LRMDA: variants seen among roughly 807,000 people sequenced by gnomAD.
LRMDA encodes leucine rich melanocyte differentiation associated.
Under a neutral mutation model 29.8 loss-of-function variants are expected in LRMDA, and 18 were observed. That is an observed-to-expected ratio of 0.60 (90% confidence interval 0.42 to 0.90). The LOEUF (loss-of-function observed/expected upper bound fraction) is 0.90. Ranked by LOEUF, LRMDA falls within the 40% of genes least tolerant of loss-of-function variation. The pLI is 0.00. For synonymous variants in LRMDA, 125 were observed against 109.4 expected, an observed-to-expected ratio of 1.14 and a Z score of -0.89; for missense variants, 273 against 273.9, an observed-to-expected ratio of 1.00 and a Z score of 0.02.
intron 2 of LRMDA, among the ~76,000 whole-genome samples, chr10:75,767,446 C>T (rs890454837): frequency 6.6e-6 from 1 of 152,044 alleles, no homozygotes; most frequent in Non-Finnish European, 1.5e-5. Context: ...TTTTCTAATG[C>T]CTTGTTCCTG....
intron 5 of LRMDA, among the ~76,000 whole-genome samples, chr10:76,059,532 G>A (rs969105088): frequency 4.6e-5 from 7 of 152,202 alleles, no homozygotes; most frequent in African/African-American, 1.7e-4. Context: ...AATGGACTCG[G>A]TGACCCCTGA....
intron 6 of LRMDA, among the ~76,000 whole-genome samples, chr10:76,466,630 T>C (rs1208176240): frequency 1.3e-5 from 2 of 151,952 alleles, no homozygotes; most frequent in Non-Finnish European, 1.5e-5. Flanking sequence ...ACCCCTACTC[T>C]ACAAAAAGGA....
At chr10:76,333,554 C>T (rs1840930389) in intron 6 of LRMDA, among the ~76,000 whole-genome samples, 1 of 152,136 alleles carries the variant, frequency 6.6e-6, no homozygotes, top group South Asian at 2.1e-4. Context: ...GAGTGGGGGC[C>T]ATGCACAGGG....
At chr10:76,235,839 T>C (rs1346255040) in intron 5 of LRMDA, among the ~76,000 whole-genome samples, 1 of 152,220 alleles carries the variant, frequency 6.6e-6, no homozygotes, top group Non-Finnish European at 1.5e-5. Flanking sequence ...AGCAGACTTT[T>C]TCTGATCCAG....
chr10:75,869,005 A>G (rs1032814438), intron 2 of LRMDA, among the ~76,000 whole-genome samples: 1 of 152,194 alleles, frequency 6.6e-6, no homozygotes, highest in East Asian at 1.9e-4. Flanking sequence ...GGCAAGCAGG[A>G]TGTCTTCTGG....
chr10:76,539,195 C>T (rs1399791121), intron 6 of LRMDA, among the ~76,000 whole-genome samples: 1 of 151,914 alleles, frequency 6.6e-6, no homozygotes, highest in East Asian at 1.9e-4. Flanking sequence ...ATAGAAACCC[C>T]AAGGAAGGCA....
At chr10:75,925,555 G>C (rs923002181) in intron 2 of LRMDA, among the ~76,000 whole-genome samples, 2 of 152,146 alleles carry the variant, frequency 1.3e-5, no homozygotes, top group South Asian at 2.1e-4. Context: ...GTAGTTTGGA[G>C]GGGGGGAGCT....
At chr10:76,128,067 GT>G (rs1454475144) in intron 5 of LRMDA, among the ~76,000 whole-genome samples, 1 of 152,176 alleles carries the variant, frequency 6.6e-6, no homozygotes, top group Non-Finnish European at 1.5e-5. Context: ...TGGTAGTTTT[GT>G]TTAGAGGTGA....
intron 2 of LRMDA, among the ~76,000 whole-genome samples, chr10:75,690,990 T>TACACACACAC (rs748067102): frequency 4.1e-4 from 38 of 92,020 alleles, no homozygotes; most frequent in African/African-American, 1.9e-3. Context: ...TATATATATA[T>TACACACACAC]ATATACACAC....
chr10:75,655,170 G>A (rs1311342769), intron 2 of LRMDA, among the ~76,000 whole-genome samples: 1 of 152,170 alleles, frequency 6.6e-6, no homozygotes. Context: ...CCTTTTTGTG[G>A]TTGTCAAAAC....
chr10:76,199,437 A>G (rs182170539), intron 5 of LRMDA, among the ~76,000 whole-genome samples: 3 of 152,238 alleles, frequency 2.0e-5, no homozygotes, highest in African/African-American at 7.2e-5. Context: ...CCTTTCCCTT[A>G]TCCTTAAAGT....
intron 5 of LRMDA, among the ~76,000 whole-genome samples, chr10:76,204,656 A>G (rs1212198051): frequency 1.3e-5 from 2 of 152,258 alleles, no homozygotes; most frequent in African/African-American, 4.8e-5. Context: ...TCCCTAAGAT[A>G]CAACACTTCT....
At chr10:75,862,472 G>T (rs1335410517) in intron 2 of LRMDA, among the ~76,000 whole-genome samples, 1 of 152,162 alleles carries the variant, frequency 6.6e-6, no homozygotes, top group Non-Finnish European at 1.5e-5. Context: ...GCCATGAGGG[G>T]AGGTGACTGA....
chr10:76,339,956 T>A (rs1187482859), intron 6 of LRMDA, among the ~76,000 whole-genome samples: 1 of 2,612 alleles, frequency 3.8e-4, no homozygotes, highest in Non-Finnish European at 7.2e-4. Flanking sequence ...TTACTAGGAA[T>A]CCATAACTGA....
chr10:76,266,908 A>G (rs74148403), intron 5 of LRMDA, among the ~76,000 whole-genome samples: 8,713 of 152,202 alleles, frequency 0.057, 753 homozygotes, highest in African/African-American at 0.19. Flanking sequence ...AGAACATTCA[A>G]TCTCTGGGTG....
chr10:75,967,744 A>G (rs1846889669), intron 2 of LRMDA, among the ~76,000 whole-genome samples: 1 of 150,770 alleles, frequency 6.6e-6, no homozygotes, highest in Non-Finnish European at 1.5e-5. Flanking sequence ...GTCAGGACAC[A>G]GAGCTGGGAG....
At chr10:75,914,258 C>G (rs1369770271) in intron 2 of LRMDA, among the ~76,000 whole-genome samples, 1 of 152,174 alleles carries the variant, frequency 6.6e-6, no homozygotes, top group Middle Eastern at 3.2e-3. Context: ...TTTGGTTGCT[C>G]CTTAGCTTCC....
chr10:76,069,550 A>G (rs144893082), intron 5 of LRMDA, among the ~76,000 whole-genome samples: 5 of 151,272 alleles, frequency 3.3e-5, no homozygotes, highest in African/African-American at 7.3e-5. Flanking sequence ...ATTAGAACTC[A>G]TTATTTATTT....
chr10:76,106,195 T>G (rs1172667004), intron 5 of LRMDA, among the ~76,000 whole-genome samples: 1 of 152,248 alleles, frequency 6.6e-6, no homozygotes, highest in African/African-American at 2.4e-5. Flanking sequence ...AAATAATTCT[T>G]CTGCTTTTAA....
Sources: gnomAD v4.1 joint callset for allele counts (sites outside exome capture counted in the v4.1 genomes callset) on GRCh38, gnomAD v4.1.1 for gene constraint, MANE v1.5 for transcripts, NCBI Gene and HGNC (gene_info 2026-07-23, HGNC 2026-07-21) for gene names.